Variants in NPAS3 observed in about 807,000 individuals in gnomAD.
NPAS3 encodes neuronal PAS domain-containing protein 3.
A neutral mutation model predicts 73.1 loss-of-function variants in NPAS3; 14 were observed. That is an observed-to-expected ratio of 0.19 (90% CI 0.13 to 0.30). NPAS3 has a LOEUF of 0.30. Ranked by LOEUF, NPAS3 falls within the 10% of genes least tolerant of loss-of-function variation. The pLI is 1.00. For missense variants in NPAS3, 1,096 were observed against 1,250.0 expected, an observed-to-expected ratio of 0.88 and a Z score of 1.86; for synonymous variants, 620 against 541.5, an observed-to-expected ratio of 1.14 and a Z score of -2.01.
chr14:33,659,601 A>G (rs770702511), intron 5 of NPAS3, among the ~76,000 whole-genome samples: 9 of 152,338 alleles, frequency 5.9e-5, no homozygotes, highest in Middle Eastern at 6.8e-3. Flanking sequence ...AATTAAAACT[A>G]GAACAAGAGA....
At chr14:33,604,789 A>G (rs1289940995) in intron 5 of NPAS3, among the ~76,000 whole-genome samples, 2 of 152,124 alleles carry the variant, frequency 1.3e-5, no homozygotes, top group African/African-American at 4.8e-5. Context: ...ACTAGAAATC[A>G]TAACAGAAAA....
At chr14:33,262,254 T>C (rs1290287126) in intron 3 of NPAS3, among the ~76,000 whole-genome samples, 2 of 152,208 alleles carry the variant, frequency 1.3e-5, no homozygotes, top group African/African-American at 2.4e-5. Flanking sequence ...TTTTGCCTAA[T>C]TTTGTGTTGA....
At chr14:33,617,953 G>A (rs1159313206) in intron 5 of NPAS3, among the ~76,000 whole-genome samples, 4 of 152,164 alleles carry the variant, frequency 2.6e-5, no homozygotes, top group South Asian at 2.1e-4. Context: ...TAGTAACTGC[G>A]TAGGAACTCA....
intron 3 of NPAS3, among the ~76,000 whole-genome samples, chr14:33,295,494 C>T (rs2042259875): frequency 6.6e-6 from 1 of 152,150 alleles, no homozygotes; most frequent in Non-Finnish European, 1.5e-5. Context: ...GCAAATCATA[C>T]TCCTCAAGTT....
At chr14:33,180,682 C>T (rs563014696) in intron 2 of NPAS3, among the ~76,000 whole-genome samples, 1 of 150,876 alleles carries the variant, frequency 6.6e-6, no homozygotes, top group Non-Finnish European at 1.5e-5. Context: ...GCCTGTAATC[C>T]CAGCTACTCA....
intron 1 of NPAS3, among the ~76,000 whole-genome samples, chr14:32,939,978 C>G (rs1415047038): frequency 6.6e-6 from 1 of 152,236 alleles, no homozygotes; most frequent in Non-Finnish European, 1.5e-5. Context: ...TCCCTGCCTC[C>G]CGGGCTGCGC....
intron 4 of NPAS3, among the ~76,000 whole-genome samples, chr14:33,523,858 C>T (rs1016521283): frequency 1.3e-5 from 2 of 152,204 alleles, no homozygotes; most frequent in East Asian, 1.9e-4. Flanking sequence ...TGCCTGCCAT[C>T]GATCCATGAT....
chr14:33,019,037 T>C (rs1270595893), intron 1 of NPAS3, among the ~76,000 whole-genome samples: 1 of 152,258 alleles, frequency 6.6e-6, no homozygotes, highest in African/African-American at 2.4e-5. Flanking sequence ...TTTCTTTCTT[T>C]CTTTTTAATC....
chr14:33,090,637 A>G (rs2042193262), intron 2 of NPAS3, among the ~76,000 whole-genome samples: 1 of 152,222 alleles, frequency 6.6e-6, no homozygotes, highest in Non-Finnish European at 1.5e-5. Context: ...TCAGCTCTGC[A>G]CCAAGCAGAC....
At chr14:33,047,373 T>C (rs2040545951) in intron 1 of NPAS3, among the ~76,000 whole-genome samples, 1 of 152,148 alleles carries the variant, frequency 6.6e-6, no homozygotes. Context: ...CATGCTGCCA[T>C]CCTTTCCTCC....
chr14:32,974,781 G>A (rs997481392), intron 1 of NPAS3, among the ~76,000 whole-genome samples: 3 of 152,090 alleles, frequency 2.0e-5, no homozygotes, highest in Non-Finnish European at 4.4e-5. Context: ...GCCCCAAGCT[G>A]ACTTCTCTTT....
At chr14:33,471,009 G>A (rs2050757195) in intron 4 of NPAS3, among the ~76,000 whole-genome samples, 1 of 151,900 alleles carries the variant, frequency 6.6e-6, no homozygotes, top group Non-Finnish European at 1.5e-5. Context: ...GCTTTGAGCA[G>A]TTTCTCCCTT....
At chr14:33,557,901 G>A (rs752571154) in intron 4 of NPAS3, among the ~76,000 whole-genome samples, 4 of 152,172 alleles carry the variant, frequency 2.6e-5, no homozygotes, top group Admixed American at 6.5e-5. Flanking sequence ...CCCGGGAGGC[G>A]GAGCTTGCAG....
chr14:33,672,699 G>C (rs562279837), intron 5 of NPAS3, among the ~76,000 whole-genome samples: 21 of 95,154 alleles, frequency 2.2e-4, no homozygotes, highest in Admixed American at 4.6e-4. Context: ...ACCCATAAGA[G>C]AGAAAAAAAA....
chr14:33,407,098 T>G (rs963485918), intron 4 of NPAS3, among the ~76,000 whole-genome samples: 4 of 152,176 alleles, frequency 2.6e-5, no homozygotes, highest in Non-Finnish European at 5.9e-5. Flanking sequence ...TGGTTGCTAA[T>G]TGAACTCTTT....
chr14:32,994,649 T>TTTTTTTG, intron 1 of NPAS3, among the ~76,000 whole-genome samples: 1 of 150,482 alleles, frequency 6.6e-6, no homozygotes, highest in African/African-American at 2.4e-5. Context: ...TTTTTTTTTT[T>TTTTTTTG]GAGACAGAGT....
intron 5 of NPAS3, among the ~76,000 whole-genome samples, chr14:33,658,588 TGAGA>T (rs987898189): frequency 6.6e-6 from 1 of 151,938 alleles, no homozygotes; most frequent in Non-Finnish European, 1.5e-5. Flanking sequence ...AGTTGGAAAG[TGAGA>T]GAGAGAGGCC....
chr14:33,514,948 G>A (rs557239293), intron 4 of NPAS3, among the ~76,000 whole-genome samples: 1 of 152,206 alleles, frequency 6.6e-6, no homozygotes, highest in African/African-American at 2.4e-5. Flanking sequence ...AATCATAGAT[G>A]TTTGGGACTA....
chr14:33,360,592 C>T (rs1213119359), intron 3 of NPAS3, among the ~76,000 whole-genome samples: 1 of 152,152 alleles, frequency 6.6e-6, no homozygotes, highest in Admixed American at 6.5e-5. Flanking sequence ...CTTAGGAAAG[C>T]CTTGGATGTT....
Sources: gnomAD v4.1 joint callset for allele counts (sites outside exome capture counted in the v4.1 genomes callset) on GRCh38, gnomAD v4.1.1 for gene constraint, MANE v1.5 for transcripts, NCBI Gene and HGNC (gene_info 2026-07-23, HGNC 2026-07-21) for gene names.